DNAH7: variants seen among roughly 807,000 people sequenced by gnomAD.
The protein encoded by DNAH7 is axonemal beta dynein heavy chain 7.
Under a neutral mutation model 444.6 loss-of-function variants are expected in DNAH7, and 397 were observed. The ratio of observed to expected loss-of-function variants is 0.89; its 90% confidence interval spans 0.82 to 0.97. The LOEUF is 0.97. Among genes scored for constraint, DNAH7 ranks in the 50% least tolerant of loss-of-function variants. DNAH7 has a pLI of 0.00. For missense variants in DNAH7, 4,902 were observed against 4,800.8 expected (o/e 1.02, Z -0.62); for synonymous variants, 1,636 against 1,624.4 (o/e 1.01, Z -0.17).
At chr2:195,958,814 A>G (rs1360287285) in intron 18 of DNAH7, among the ~76,000 whole-genome samples, 1 of 152,144 alleles carries the variant, frequency 6.6e-6, no homozygotes, top group East Asian at 1.9e-4. Flanking sequence ...TGTAACATCT[A>G]TTTATCAATG....
intron 24 of DNAH7, among the ~76,000 whole-genome samples, chr2:195,911,959 A>G (rs377265263): frequency 3.9e-4 from 60 of 152,344 alleles, no homozygotes; most frequent in African/African-American, 1.4e-3. Context: ...ATAGTAAAAA[A>G]TATGTAACAC....
At chr2:195,744,033 C>T (rs1483915354) in intron 63 of DNAH7, among the ~76,000 whole-genome samples, 2 of 152,222 alleles carry the variant, frequency 1.3e-5, no homozygotes, top group East Asian at 1.9e-4. Context: ...GTGCAGCGCA[C>T]CATGCGCCAC....
chr2:196,010,799 A>G (rs550632687), intron 10 of DNAH7, among the ~76,000 whole-genome samples: 1 of 152,376 alleles, frequency 6.6e-6, no homozygotes, highest in South Asian at 2.1e-4. Flanking sequence ...GTTTATATAC[A>G]CAATGGAATA....
intron 24 of DNAH7, among the ~76,000 whole-genome samples, chr2:195,921,450 G>A (rs776828878): frequency 3.3e-5 from 5 of 151,972 alleles, no homozygotes; most frequent in Middle Eastern, 3.4e-3. Flanking sequence ...CACAGCAACC[G>A]GGATGGAGTT....
intron 17 of DNAH7, among the ~76,000 whole-genome samples, chr2:195,966,158 A>G (rs1326415777): frequency 6.6e-6 from 1 of 151,814 alleles, no homozygotes; most frequent in Non-Finnish European, 1.5e-5. Flanking sequence ...TGTTTCCATT[A>G]TCATTTGTTT....
At position 195,857,406 on chromosome 2, in the gene DNAH7, T is replaced by C. The variant is rs1165786816; in HGVS notation, c.8385A>G (p.Lys2795=). Residue 2795 remains lysine (K), a synonymous_variant, in exon 44 of 65, where the codon AAA becomes AAG. Coordinates refer to ENST00000312428, the MANE Select transcript of DNAH7 (RefSeq NM_018897.3). The part of the protein sequence containing the change: ...NASTAAEGLC[K]WVIAMDSYDK... Reference sequence around the variant, plus strand: ...CATATGAATCCATTGCTATGACCCATTTGCACAGACCTTCGGCCGCTGTAG... The same window carrying C: ...CATATGAATCCATTGCTATGACCCACTTGCACAGACCTTCGGCCGCTGTAG... The C allele has an allele frequency of 2.5e-6, 4 of 1,602,580 alleles. No homozygotes were observed. The highest frequency in any genetic ancestry group is 3.4e-6 in the Non-Finnish European group (4 of 1,175,890).
At chr2:195,779,594 A>C (rs1695275219) in intron 58 of DNAH7, among the ~76,000 whole-genome samples, 1 of 151,322 alleles carries the variant, frequency 6.6e-6, no homozygotes, top group African/African-American at 2.4e-5. Flanking sequence ...TTTTCCTATT[A>C]AAGTATTGTA....
chr2:195,825,921 C>A (rs1323521148), intron 48 of DNAH7, among the ~76,000 whole-genome samples: 1 of 152,138 alleles, frequency 6.6e-6, no homozygotes, highest in African/African-American at 2.4e-5. Context: ...GTGATTTGCT[C>A]CATTGCTGAG....
rs771008205 is a variant in DNAH7, at chr2:195,817,740, T to A, written c.9381A>T (p.Glu3127Asp). ...GTAATATCAAGGCTTGCTTTTCTTCTTCAAGGTCTGGCCTTTCTTGTGCCA... is the reference window on the plus strand; with the variant it reads ...GTAATATCAAGGCTTGCTTTTCTTCATCAAGGTCTGGCCTTTCTTGTGCCA... The part of the protein sequence containing the change: ...IVVAQERPDL[E>D]EEKQALILQG... The change falls in exon 50 of 65, where the codon GAA (glutamate) becomes GAT (aspartate). Residue 3127 changes from glutamate (E) to aspartate (D), a missense_variant. Transcript: ENST00000312428. 8.1e-6 allele frequency: 13 copies of A among 1,613,128 alleles called. No individual in the cohort carries two copies. In the Admixed American group the frequency reaches 2.0e-4, roughly 25 times the overall value.
At chr2:196,052,370 C>A (rs1437625019) in intron 2 of DNAH7, among the ~76,000 whole-genome samples, 1 of 152,182 alleles carries the variant, frequency 6.6e-6, no homozygotes, top group Non-Finnish European at 1.5e-5. Context: ...CCTGTAACTA[C>A]CAAACACTTG....
intron 36 of DNAH7, among the ~76,000 whole-genome samples, 163 bp downstream of exon 36, chr2:195,881,632 T>G (rs1412869162): frequency 6.9e-6 from 1 of 144,944 alleles, no homozygotes; most frequent in Non-Finnish European, 1.5e-5. Context: ...TTCTTGGCCT[T>G]TTGGCTAAAA....
chr2:196,005,936 A>AC (rs1694348557), intron 10 of DNAH7, among the ~76,000 whole-genome samples: 1 of 149,448 alleles, frequency 6.7e-6, no homozygotes, highest in African/African-American at 2.5e-5. Context: ...CACACACACA[A>AC]AAACTACAGA....
chr2:195,887,913 GGACT>G (rs1701798030), intron 33 of DNAH7, among the ~76,000 whole-genome samples: 1 of 149,718 alleles, frequency 6.7e-6, no homozygotes, highest in African/African-American at 2.5e-5. Flanking sequence ...CTTCTACCAT[GGACT>G]GACTGGCTTA....
chr2:195,950,626 A>T (rs1478494595), intron 19 of DNAH7, among the ~76,000 whole-genome samples: 1 of 151,984 alleles, frequency 6.6e-6, no homozygotes, highest in East Asian at 1.9e-4. Flanking sequence ...AAGCGGGCAG[A>T]TCACAAGGTC....
Position 195,797,485 on chromosome 2 carries a change from CAGGACCCACAT to C in DNAH7, c.10354-759_10354-749del, listed in dbSNP as rs142799688. Among the ~76,000 whole-genome samples the C allele has an allele frequency of 7.2e-5, 11 of 152,286 alleles. No individual in the cohort carries two copies. In the East Asian group the frequency reaches 2.1e-3, roughly 29 times the overall value. On this transcript the variant is annotated intron_variant, in intron 55 of 64. Coordinates refer to ENST00000312428, the MANE Select transcript of DNAH7 (RefSeq NM_018897.3). The stretch of plus-strand genomic sequence containing the variant: ...ACAGCAAGAGAAGAGAATGCATGAG[CAGGACCCACAT>C]AGGAGCCAGAGAATAATCATATGTA...
chr2:195,852,292 C>T (rs1699421666), intron 46 of DNAH7, among the ~76,000 whole-genome samples: 1 of 151,638 alleles, frequency 6.6e-6, no homozygotes, highest in African/African-American at 2.4e-5. Context: ...AGAAAAACAC[C>T]ACCACCAAGA....
chr2:195,748,276 A>G (rs1295786351), intron 63 of DNAH7, among the ~76,000 whole-genome samples: 1 of 152,192 alleles, frequency 6.6e-6, no homozygotes, highest in Non-Finnish European at 1.5e-5. Context: ...TCCAGCTTAC[A>G]AGGGACGTGA....
At chr2:195,776,228 G>T (rs1695053453) in intron 59 of DNAH7, among the ~76,000 whole-genome samples, 1 of 152,186 alleles carries the variant, frequency 6.6e-6, no homozygotes, top group South Asian at 2.1e-4. Flanking sequence ...TGGATTACCT[G>T]AGGTCGGGAG....
chr2:195,786,739 A>G (rs190657517), intron 58 of DNAH7, among the ~76,000 whole-genome samples: 1 of 152,280 alleles, frequency 6.6e-6, no homozygotes, highest in East Asian at 1.9e-4. Context: ...TAAGTATAAT[A>G]TTATCATTTT....
Sources: allele counts gnomAD v4.1 joint callset (sites outside exome capture counted in the v4.1 genomes callset), GRCh38; gene constraint gnomAD v4.1.1; transcripts MANE v1.5; gene names NCBI Gene and HGNC (gene_info 2026-07-23, HGNC 2026-07-21).